Variants in SPTSSB observed in about 807,000 individuals in gnomAD.
SPTSSB encodes the protein androgen down regulated in mouse prostate.
In SPTSSB, 6 loss-of-function variants were observed where a neutral mutation model predicts 7.7. The observed-to-expected ratio is 0.78, with a 90% CI of 0.43 to 1.54. SPTSSB has a LOEUF of 1.54. Among genes scored for constraint, SPTSSB ranks in the 40% most tolerant of loss-of-function variants. The probability of loss-of-function intolerance (pLI) is 0.01; values close to 1 mark genes in which losing one functional copy is unlikely to be tolerated. For synonymous variants in SPTSSB, 28 were observed against 29.7 expected (o/e 0.94, Z 0.19); for missense variants, 91 against 93.0 (o/e 0.98, Z 0.09).
chr3:161,352,297 C>G (rs775455184), intron 2 of SPTSSB, among the ~76,000 whole-genome samples: 31 of 152,146 alleles, frequency 2.0e-4, no homozygotes, highest in Middle Eastern at 3.2e-3. Context: ...CATTCATGCT[C>G]TTTTCTTTTC....
chr3:161,370,670 A>C (rs945505937), intron 1 of SPTSSB, among the ~76,000 whole-genome samples: 2 of 152,228 alleles, frequency 1.3e-5, no homozygotes, highest in African/African-American at 4.8e-5. Flanking sequence ...CTTTGGGGCT[A>C]GTTCTTACAT....
intron 1 of SPTSSB, among the ~76,000 whole-genome samples, chr3:161,364,733 T>G (rs1048056254): frequency 6.6e-6 from 1 of 152,030 alleles, no homozygotes. Context: ...TCAGTGAACA[T>G]TCATTGGTGC....
At chr3:161,358,733 T>G (rs1209748860) in intron 2 of SPTSSB, among the ~76,000 whole-genome samples, 1 of 152,222 alleles carries the variant, frequency 6.6e-6, no homozygotes, top group African/African-American at 2.4e-5. Flanking sequence ...GGTGTGGCTG[T>G]CATAAAGCAG....
In SPTSSB at chr3:161,369,274, CTTCTTTCTTTCTTTTCTTTCT is replaced by C. The variant is rs1286798442; in HGVS notation, c.-126+2140_-126+2160del. 6.0e-3 allele frequency among the ~76,000 whole-genome samples: 830 copies of C among 137,262 alleles called. 8 individuals are homozygous for C. Among genetic ancestry groups the C allele is most frequent in the African/African-American group, 0.019 (678 of 35,996 alleles). 90.0% of individuals were successfully genotyped at this position (137,262 alleles called of 152,430 possible). On this transcript the variant is annotated intron_variant, in intron 1 of 2. Coordinates refer to ENST00000620149, the MANE Select transcript of SPTSSB (RefSeq NM_001040100.2). ...TCTTTCTTTCTTTCTCTTTCTTTTT[CTTCTTTCTTTCTTTTCTTTCT>C]TTCTTTCTTTCTTTCTTTCTCTTTC...
chr3:161,358,522 A>T (rs1714878619), intron 2 of SPTSSB, among the ~76,000 whole-genome samples: 1 of 152,206 alleles, frequency 6.6e-6, no homozygotes, highest in Non-Finnish European at 1.5e-5. Flanking sequence ...ATTTAGAATA[A>T]CACATAGGAA....
At chr3:161,360,347 A>G (rs1017730798) in intron 1 of SPTSSB, among the ~76,000 whole-genome samples, 1 of 152,244 alleles carries the variant, frequency 6.6e-6, no homozygotes, top group Non-Finnish European at 1.5e-5. Flanking sequence ...GTCACTATCT[A>G]TAAAAAATTT....
At position 161,369,288 on chromosome 3, in the gene SPTSSB, T is replaced by TCTTTC. The variant is rs377594578; in HGVS notation, c.-126+2146_-126+2147insGAAAG. ...TCTTTCTTTTTCTTCTTTCTTTCTT[T>TCTTTC]TCTTTCTTTCTTTCTTTCTTTCTTT... On this transcript the variant is annotated intron_variant, in intron 1 of 2. Coordinates refer to ENST00000620149, the MANE Select transcript of SPTSSB (RefSeq NM_001040100.2). 9.4e-4 allele frequency among the ~76,000 whole-genome samples: 76 copies of TCTTTC among 80,780 alleles called. 1 individual carries two copies. Among genetic ancestry groups the TCTTTC allele is most frequent in the African/African-American group, 3.8e-3 (56 of 14,760 alleles). The allele number at this position is 80,780 out of a possible 152,430, so 53.0% of individuals were successfully genotyped here.
chr3:161,347,660 C>T (rs778698695), intron 2 of SPTSSB, among the ~76,000 whole-genome samples: 2 of 151,904 alleles, frequency 1.3e-5, no homozygotes, highest in African/African-American at 2.4e-5. Context: ...TCATCTGGGG[C>T]CTGGAGTTTG....
At chr3:161,357,313 C>T (rs953814236) in intron 2 of SPTSSB, among the ~76,000 whole-genome samples, 1 of 152,194 alleles carries the variant, frequency 6.6e-6, no homozygotes, top group African/African-American at 2.4e-5. Context: ...AGAAAAAACT[C>T]TCATTGACAA....
chr3:161,370,524 T>A (rs1715463783), intron 1 of SPTSSB, among the ~76,000 whole-genome samples: 3 of 152,230 alleles, frequency 2.0e-5, no homozygotes. Flanking sequence ...TCAACACTTT[T>A]ATGTATACAT....
At chr3:161,350,778 T>C (rs67460515) in intron 2 of SPTSSB, among the ~76,000 whole-genome samples, 48,424 of 151,974 alleles carry the variant, frequency 0.32, 8,008 homozygotes, top group East Asian at 0.54. Flanking sequence ...TAAAAATGAG[T>C]AACTTTACAG....
intron 1 of SPTSSB, among the ~76,000 whole-genome samples, chr3:161,362,421 AT>A (rs1715051056): frequency 6.6e-6 from 1 of 152,012 alleles, no homozygotes. Context: ...TTCACATCAA[AT>A]TTTTTAAGTT....
At position 161,346,156 on chromosome 3, in the gene SPTSSB, G is replaced by A; in HGVS notation, c.168C>T (p.His56=). 5 of 1,612,688 alleles carry A rather than the reference G, an allele frequency of 3.1e-6. No homozygotes were observed. Among genetic ancestry groups the A allele is most frequent in the Non-Finnish European group, 4.2e-6 (5 of 1,178,686 alleles). Residue 56 remains histidine, a synonymous_variant, in exon 3 of 3, where the codon CAC becomes CAT. Coordinates refer to ENST00000620149, the MANE Select transcript of SPTSSB (RefSeq NM_001040100.2). The part of the protein sequence containing the change: ...VYTAYVFIPI[H]IRLAWEFFSK... Reference sequence around the variant, plus strand: ...AGAAAAATTCCCAAGCCAGGCGAATGTGGATTGGAATAAAGACATAGGCAG... The same window carrying A: ...AGAAAAATTCCCAAGCCAGGCGAATATGGATTGGAATAAAGACATAGGCAG...
chr3:161,364,840 A>G (rs1715154678), intron 1 of SPTSSB, among the ~76,000 whole-genome samples: 1 of 152,158 alleles, frequency 6.6e-6, no homozygotes, highest in African/African-American at 2.4e-5. Context: ...TTATTGCCCC[A>G]GAAAAGTTGC....
chr3:161,351,342 A>G (rs549845164), intron 2 of SPTSSB, among the ~76,000 whole-genome samples: 51 of 152,314 alleles, frequency 3.3e-4, no homozygotes, highest in African/African-American at 1.1e-3. Flanking sequence ...ACTGTCCTAA[A>G]CAATGAAGCC....
chr3:161,364,482 T>C (rs1425496531), intron 1 of SPTSSB, among the ~76,000 whole-genome samples: 1 of 152,174 alleles, frequency 6.6e-6, no homozygotes, highest in Admixed American at 6.5e-5. Context: ...GGTTTCCATA[T>C]GTTGGTCACA....
In SPTSSB at chr3:161,346,194, T is replaced by G. The variant is rs1487857472; in HGVS notation, c.130A>C (p.Met44Leu). 2 of 1,612,648 alleles carry G rather than the reference T, an allele frequency of 1.2e-6. No individual in the cohort carries two copies. ...AAGACATAGGCAGTGTATACCACCA[T>G]AGCAATAATGGTTAGTAAGATGGTG... ...FNTILLTIIA[M>L]VVYTAYVFIP... The change falls in exon 3 of 3, where the codon ATG becomes CTG. Residue 44 changes from methionine (M) to leucine (L), a missense_variant. Coordinates refer to ENST00000620149, the MANE Select transcript of SPTSSB (RefSeq NM_001040100.2).
intron 1 of SPTSSB, among the ~76,000 whole-genome samples, chr3:161,366,244 TA>T (rs1715213795): frequency 1.3e-5 from 2 of 152,226 alleles, no homozygotes; most frequent in South Asian, 4.1e-4. Context: ...AGGCCAAAAG[TA>T]AACTGAAAGC....
intron 1 of SPTSSB, among the ~76,000 whole-genome samples, chr3:161,369,774 G>A (rs1560109338): frequency 6.6e-6 from 1 of 152,052 alleles, no homozygotes; most frequent in Non-Finnish European, 1.5e-5. Flanking sequence ...TTGAGAGGGG[G>A]CCCTGCGTTA....
Sources: allele counts gnomAD v4.1 joint callset (sites outside exome capture counted in the v4.1 genomes callset), GRCh38; gene constraint gnomAD v4.1.1; transcripts MANE v1.5; gene names NCBI Gene and HGNC (gene_info 2026-07-23, HGNC 2026-07-21).